NEB: variants seen among roughly 807,000 people sequenced by gnomAD.
The protein encoded by NEB is nemaline myopathy type 2.
A neutral mutation model predicts 952.2 loss-of-function variants in NEB; 512 were observed. The ratio of observed to expected loss-of-function variants is 0.54; its 90% confidence interval spans 0.50 to 0.58. The LOEUF is 0.58. Ranked by LOEUF, NEB falls within the 20% of genes least tolerant of loss-of-function variation. NEB has a pLI of 0.00. For synonymous variants in NEB, 2,900 were observed against 3,149.8 expected (o/e 0.92, Z 2.66); for missense variants, 8,428 against 9,231.1 (o/e 0.91, Z 3.56).
rs1448050014 is a variant in NEB at position 151,569,343 on chromosome 2, C to T, written c.17460G>A (p.Leu5820=). 2 of 1,613,936 alleles carry T rather than the reference C, an allele frequency of 1.2e-6. No individual in the cohort carries two copies. The highest frequency in any genetic ancestry group is 1.1e-5 in the South Asian group (1 of 91,084). The part of the protein sequence containing the change: ...DNVYKADLEW[L]RGIGWMPNDS... The stretch of plus-strand genomic sequence containing the variant: ...CATTTGGCATCCACCCAATTCCACG[C>T]AACCATTCCAAGTCAGCCTTGTAAA... The change falls in exon 110 of 182, where the codon TTG becomes TTA. Residue 5820 remains leucine, a synonymous_variant. Transcript: ENST00000397345.
chr2:151,553,735 A>G, intron 126 of NEB, 93 bp downstream of exon 126: 2 of 1,243,368 alleles, frequency 1.6e-6, no homozygotes, highest in Non-Finnish European at 2.2e-6. Flanking sequence ...TAGTGGAAAA[A>G]GGCTAAGGTA....
rs762119862 is a variant in NEB, at chr2:151,717,417, T to C, written c.821A>G (p.Lys274Arg). Residue 274 changes from lysine (K) to arginine (R), a missense_variant and splice_region_variant, in exon 10 of 182, where the codon AAG becomes AGG. Lys to Arg is a conservative substitution (Grantham distance 26). Around this residue, in one of 11 missense-constraint regions of NEB, gnomAD observed 2,851 missense variants for 2,791.5 expected, o/e 1.02. Transcript: ENST00000397345. ...AATGTCCCAGCTCTATTTACTTACC[T>C]TGCTCACTTGATTGGTTACTTTCTT... ...FAKKVTNQVS[K>R]QKYKEDYENK... is the part of the protein sequence containing the mutation. 4 of 1,604,168 alleles carry C rather than the reference T, an allele frequency of 2.5e-6. No homozygotes were observed. Among genetic ancestry groups the C allele is most frequent in the Non-Finnish European group, 3.4e-6 (4 of 1,170,930 alleles).
chr2:151,526,362 T>A, intron 148 of NEB, 100 bp from the exon 149 acceptor site: 1 of 819,306 alleles, frequency 1.2e-6, no homozygotes, highest in Non-Finnish European at 2.0e-6. Context: ...TTGACAATAC[T>A]AAACTCAATA....
At chr2:151,544,325 T>C (rs1169170868) in intron 135 of NEB, among the ~76,000 whole-genome samples, 2 of 152,170 alleles carry the variant, frequency 1.3e-5, no homozygotes, top group Non-Finnish European at 2.9e-5. Flanking sequence ...AAGTTACCAA[T>C]TGTTTTAAAT....
chr2:151,527,707 G>GGAA, intron 146 of NEB, 122 bp from the exon 147 acceptor site: 1 of 687,868 alleles, frequency 1.5e-6, no homozygotes, highest in Non-Finnish European at 2.5e-6. Context: ...TAATGCAAGA[G>GGAA]GAAGCCCCAA....
At chr2:151,638,073 G>A (rs1216239993) in intron 63 of NEB, among the ~76,000 whole-genome samples, 1 of 152,202 alleles carries the variant, frequency 6.6e-6, no homozygotes. Context: ...CACAGGCTCA[G>A]TCTAAGAAGA....
chr2:151,594,940 A>G (rs1305540661), intron 92 of NEB, among the ~76,000 whole-genome samples: 2 of 27,268 alleles, frequency 7.3e-5, no homozygotes, highest in Non-Finnish European at 1.3e-4. Flanking sequence ...TTGAATCAGA[A>G]GATAACAACA....
At chr2:151,494,086 A>G (rs1432438688) in intron 174 of NEB, 75 bp downstream of exon 174, 4 of 1,259,334 alleles carry the variant, frequency 3.2e-6, no homozygotes, top group Non-Finnish European at 4.5e-6. Context: ...TTAACCTGGG[A>G]CAGGGTTAGG....
In NEB at chr2:151,527,598, G is replaced by T; in HGVS notation, c.21736-13C>A. 6.3e-7 allele frequency: 1 copy of T among 1,589,412 alleles called. No individual in the cohort carries two copies. On this transcript the variant is annotated splice_polypyrimidine_tract_variant and intron_variant, in intron 146 of 181. Transcript: ENST00000397345. ...TCTTATAGTCCAGCTGTTTTTAACA[G>T]GAGAGAAAGGAATCACTTGATTCAG...
chr2:151,671,986 G>GA (rs11444927), intron 37 of NEB, among the ~76,000 whole-genome samples: 93,682 of 147,400 alleles, frequency 0.64, 34,781 homozygotes, highest in Non-Finnish European at 0.82. Flanking sequence ...GTTAATAAAG[G>GA]AAAAAAAAAA....
chr2:151,519,052 G>C lies in NEB; in HGVS notation c.22608C>G (p.Asp7536Glu). ...NLASEVKYKA[D>E]LKKLHKPVTD... The stretch of plus-strand genomic sequence containing the variant: ...TCACGGGTTTGTGAAGTTTCTTCAG[G>C]TCAGCCTTGTATTTAACCTGTGTGT... The change falls in exon 155 of 182, where the codon GAC becomes GAG. Residue 7536 changes from aspartate (D) to glutamate (E), a missense_variant. This residue lies in a region of NEB where 3,374 missense variants were observed against 3,651.5 expected (regional missense o/e 0.92). Coordinates refer to ENST00000397345, the MANE Select transcript of NEB (RefSeq NM_001164508.2). The C allele has an allele frequency of 6.2e-7, 1 of 1,611,658 alleles. No individual in the cohort carries two copies. The highest frequency in any genetic ancestry group is 8.5e-7 in the Non-Finnish European group (1 of 1,177,884).
At chr2:151,646,777 G>A (rs1334798853) in intron 54 of NEB, among the ~76,000 whole-genome samples, 2 of 152,120 alleles carry the variant, frequency 1.3e-5, no homozygotes, top group African/African-American at 2.4e-5. Flanking sequence ...AGCCACCTGA[G>A]TAGCTAGGAT....
chr2:151,636,388 A>G, intron 63 of NEB, 54 bp from the exon 64 acceptor site: 1 of 1,359,962 alleles, frequency 7.4e-7, no homozygotes, highest in East Asian at 2.4e-5. Context: ...AAAAACTGAC[A>G]GAGGACTAAG....
chr2:151,571,989 T>C (rs1047338364), intron 107 of NEB, among the ~76,000 whole-genome samples: 9 of 152,228 alleles, frequency 5.9e-5, no homozygotes, highest in African/African-American at 2.2e-4. Context: ...ACAACTGACT[T>C]GTTTTCTGTA....
intron 131 of NEB, among the ~76,000 whole-genome samples, chr2:151,548,042 T>C (rs1266662812): frequency 6.6e-6 from 1 of 152,204 alleles, no homozygotes; most frequent in Non-Finnish European, 1.5e-5. Flanking sequence ...TTAAAGATTT[T>C]TGAATATAAA....
intron 13 of NEB, among the ~76,000 whole-genome samples, chr2:151,702,822 A>G (rs1401287470): frequency 2.0e-5 from 3 of 152,040 alleles, no homozygotes; most frequent in Admixed American, 6.6e-5. Flanking sequence ...TCTTTATCCA[A>G]TTTGCCAGTC....
chr2:151,692,284 T>C lies in NEB; in HGVS notation c.1975A>G (p.Thr659Ala), dbSNP rs762825519. The C allele has an allele frequency of 1.2e-6, 2 of 1,613,906 alleles. No individual in the cohort carries two copies. The highest frequency in any genetic ancestry group is 1.7e-6 in the Non-Finnish European group (2 of 1,179,814). The change falls in exon 21 of 182, where the codon ACT becomes GCT. Residue 659 changes from threonine to alanine, a missense_variant. Transcript: ENST00000397345. Reference sequence around the variant, plus strand: ...ACCTCACTGAAGTTCTTCAGCTGAGTATCAAGTTGATATTTTGGGGTCTCA... The same window carrying C: ...ACCTCACTGAAGTTCTTCAGCTGAGCATCAAGTTGATATTTTGGGGTCTCA... ...YCETPKYQLDTQLKNFSEARY... is the reference protein window; with the variant it reads ...YCETPKYQLDAQLKNFSEARY...
intron 172 of NEB, 34 bp from the exon 173 acceptor site, chr2:151,496,402 A>G (rs368955312): frequency 6.4e-7 from 1 of 1,574,540 alleles, no homozygotes; most frequent in Non-Finnish European, 8.7e-7. Context: ...AAAAACAACC[A>G]TGAGTAACAT....
rs549888246 is a variant in NEB at position 151,606,717 on chromosome 2, T to C, written c.12640-4A>G. ...TCCAGTCTTTTTGGTAGAGTTTCTA[T>C]AGAGGGAAAATAAAGGTTTGTTTAC... On this transcript the variant is annotated splice_region_variant and splice_polypyrimidine_tract_variant and intron_variant, in intron 83 of 181. Transcript: ENST00000397345. 448 of 927,392 alleles carry C rather than the reference T, an allele frequency of 4.8e-4. 169 individuals are homozygous for C. Among genetic ancestry groups the C allele is most frequent in the East Asian group, 8.3e-5 (2 of 24,202 alleles). 57.4% of individuals were successfully genotyped at this position (927,392 alleles called of 1,614,324 possible). A position where few individuals can be genotyped will look rare whatever the true frequency, so the allele number is the denominator to read the frequency against.
Sources: allele counts gnomAD v4.1 joint callset (sites outside exome capture counted in the v4.1 genomes callset), GRCh38; gene constraint gnomAD v4.1.1; regional missense constraint gnomAD v4.1.1; transcripts MANE v1.5; gene names NCBI Gene and HGNC (gene_info 2026-07-23, HGNC 2026-07-21).